The following ANKRD36 variants were observed in gnomAD, a reference collection of about 807,000 sequenced individuals.
ANKRD36 encodes the protein ankyrin repeat domain-containing protein 36A.
A neutral mutation model predicts 278.1 loss-of-function variants in ANKRD36; 179 were observed. That is an observed-to-expected ratio of 0.64 (90% CI 0.57 to 0.73). ANKRD36 has a LOEUF of 0.73. Among genes scored for constraint, ANKRD36 ranks in the 30% least tolerant of loss-of-function variants. The pLI is 0.00. For missense variants in ANKRD36, 1,159 were observed against 1,956.7 expected (o/e 0.59, Z 7.69); for synonymous variants, 320 against 641.1 (o/e 0.50, Z 7.57).
chr2:97,206,013 C>G lies in ANKRD36; in HGVS notation c.3090+45C>G, dbSNP rs531772118. On this transcript the variant is annotated intron_variant, in intron 51 of 75. Transcript: ENST00000420699. ...TATTGTGAACGAGTTAATATATGGT[C>G]TATGAAACATACTTTATTTATTTAT... The G allele has an allele frequency of 2.6e-6, 4 of 1,543,930 alleles. No individual in the cohort carries two copies. The South Asian group carries it at 3.6e-5, about 14-fold the overall frequency.
At chr2:97,150,001 C>A (rs1016056038) in intron 12 of ANKRD36, among the ~76,000 whole-genome samples, 2 of 151,646 alleles carry the variant, frequency 1.3e-5, no homozygotes, top group Non-Finnish European at 2.9e-5. Flanking sequence ...TTCTTGAGCC[C>A]AGGATTTTAA....
At position 97,120,684 on chromosome 2, in the gene ANKRD36, A is replaced by G. The variant is rs970107954; in HGVS notation, c.486+2167A>G. Among the ~76,000 whole-genome samples, 5 of 151,586 alleles carry G rather than the reference A, an allele frequency of 3.3e-5. 1 individual carries two copies. Among genetic ancestry groups the G allele is most frequent in the African/African-American group, 1.2e-4 (5 of 41,390 alleles). On this transcript the variant is annotated intron_variant, in intron 3 of 75. Transcript: ENST00000420699. ...TATTGTATTCTTGGGCCTATTTTGG[A>G]AAAAAAAATCTGAAACTAAAGAAAG...
intron 26 of ANKRD36, among the ~76,000 whole-genome samples, chr2:97,183,226 A>G (rs1210797712): frequency 1.3e-5 from 2 of 151,754 alleles, no homozygotes; most frequent in Non-Finnish European, 2.9e-5. Flanking sequence ...TAATACACAC[A>G]TGATGCATAA....
intron 3 of ANKRD36, among the ~76,000 whole-genome samples, chr2:97,122,339 G>C (rs532057337): frequency 1.3e-5 from 2 of 151,212 alleles, no homozygotes; most frequent in South Asian, 2.1e-4. Context: ...ACATAATGCA[G>C]TTTTGTAACA....
chr2:97,155,964 C>T (rs1478331526), intron 15 of ANKRD36, among the ~76,000 whole-genome samples: 1 of 145,290 alleles, frequency 6.9e-6, no homozygotes, highest in African/African-American at 2.4e-5. Flanking sequence ...TATTAAATGT[C>T]TTGAATGTTC....
intron 35 of ANKRD36, 37 bp downstream of exon 35, chr2:97,191,043 T>C (rs1178128755): frequency 6.2e-7 from 1 of 1,602,674 alleles, no homozygotes; most frequent in Non-Finnish European, 8.5e-7. Flanking sequence ...AACTAGTAAA[T>C]CTATAGTCTA....
intron 46 of ANKRD36, among the ~76,000 whole-genome samples, chr2:97,200,946 C>A (rs115004312): frequency 0.019 from 2,950 of 151,870 alleles, 103 homozygotes; most frequent in African/African-American, 0.068. Context: ...ACTGAGAAGA[C>A]CCCTGATGTA....
At chr2:97,173,943 T>A (rs1214237524) in intron 22 of ANKRD36, among the ~76,000 whole-genome samples, 2 of 151,372 alleles carry the variant, frequency 1.3e-5, no homozygotes, top group Non-Finnish European at 3.0e-5. Context: ...ACCCCGATGG[T>A]ATATCATGTG....
chr2:97,222,644 A>G (rs1372818830), intron 66 of ANKRD36, among the ~76,000 whole-genome samples: 1 of 152,132 alleles, frequency 6.6e-6, no homozygotes, highest in East Asian at 1.9e-4. Context: ...TAACAGTGTC[A>G]TTTTGCTACT....
rs879207925 is a variant in ANKRD36 at position 97,158,656 on chromosome 2, G to T, written c.1389+1G>T. The T allele has an allele frequency of 5.9e-6, 9 of 1,536,116 alleles. No individual in the cohort carries two copies. In the Admixed American group the frequency reaches 1.2e-4, roughly 20 times the overall value. On this transcript the variant is annotated splice_donor_variant, in intron 17 of 75. Coordinates refer to ENST00000420699, the MANE Select transcript of ANKRD36 (RefSeq NM_001354587.1). LOFTEE classifies it high-confidence loss of function. ...GTTTGAAGACCAAAATGTTGATAAG[G>T]TAAATGAAGATGTGGTTAAAAGCCA... is the stretch of plus-strand genomic sequence containing the variant.
At chr2:97,216,799 G>T (rs190370336) in intron 62 of ANKRD36, 54 of 476,806 alleles carry the variant, frequency 1.1e-4, no homozygotes, top group Non-Finnish European at 1.2e-4. Flanking sequence ...TTGATTTCTT[G>T]CATGAAAGAC....
intron 36 of ANKRD36, 102 bp from the exon 37 acceptor site, chr2:97,192,756 A>G: frequency 2.1e-6 from 3 of 1,444,326 alleles, no homozygotes; most frequent in Non-Finnish European, 2.9e-6. Context: ...GCCTACGCTA[A>G]TACAGGCAGG....
intron 17 of ANKRD36, among the ~76,000 whole-genome samples, chr2:97,160,016 C>G (rs1290273232): frequency 3.4e-4 from 51 of 151,280 alleles, no homozygotes; most frequent in South Asian, 1.9e-3. Context: ...ATCTCCTGAC[C>G]TCGTGATCTG....
intron 67 of ANKRD36, among the ~76,000 whole-genome samples, chr2:97,228,085 G>A (rs1316071678): frequency 6.6e-6 from 1 of 152,104 alleles, no homozygotes; most frequent in African/African-American, 2.4e-5. Flanking sequence ...AAGGATACTG[G>A]TCTAAAATTC....
At chr2:97,149,939 T>C (rs2045470417) in intron 12 of ANKRD36, among the ~76,000 whole-genome samples, 1 of 151,744 alleles carries the variant, frequency 6.6e-6, no homozygotes, top group African/African-American at 2.4e-5. Flanking sequence ...TAACTAGACA[T>C]GGTATCATGT....
At chr2:97,220,206 T>C (rs1369083152) in intron 66 of ANKRD36, among the ~76,000 whole-genome samples, 1 of 149,264 alleles carries the variant, frequency 6.7e-6, no homozygotes, top group Non-Finnish European at 1.5e-5. Flanking sequence ...TAATGGGTTA[T>C]CCATCACCTC....
At chr2:97,130,492 T>A (rs2039854019) in intron 6 of ANKRD36, among the ~76,000 whole-genome samples, 1 of 150,812 alleles carries the variant, frequency 6.6e-6, no homozygotes. Flanking sequence ...ATCTACCTAA[T>A]GCTAAATGAT....
At chr2:97,200,575 T>G in intron 46 of ANKRD36, 50 bp downstream of exon 46, 1 of 1,537,092 alleles carries the variant, frequency 6.5e-7, no homozygotes, top group Non-Finnish European at 8.7e-7. Context: ...GATAAGAAGT[T>G]CTCTTCCCCG....
chr2:97,205,123 G>T (rs538158655), intron 50 of ANKRD36, among the ~76,000 whole-genome samples: 23 of 151,702 alleles, frequency 1.5e-4, no homozygotes, highest in East Asian at 1.2e-3. Context: ...GCATTCCAAT[G>T]AAGTCCTAGA....
Sources: gnomAD v4.1 joint callset for allele counts (sites outside exome capture counted in the v4.1 genomes callset) on GRCh38, gnomAD v4.1.1 for gene constraint, MANE v1.5 for transcripts, NCBI Gene and HGNC (gene_info 2026-07-23, HGNC 2026-07-21) for gene names.